The following WDFY1 variants were observed in gnomAD, a reference collection of about 807,000 sequenced individuals.
The protein encoded by WDFY1 is WD repeat and FYVE domain-containing protein 1.
Under a neutral mutation model 56.4 loss-of-function variants are expected in WDFY1, and 32 were observed. The observed-to-expected ratio is 0.57, with a 90% CI of 0.43 to 0.76. WDFY1 has a LOEUF of 0.76. Ranked by LOEUF, WDFY1 falls within the 30% of genes least tolerant of loss-of-function variation. The pLI, the probability that WDFY1 is intolerant of heterozygous loss-of-function variation, is 0.00. For synonymous variants in WDFY1, 192 were observed against 197.3 expected (o/e 0.97, Z 0.23); for missense variants, 480 against 545.7 (o/e 0.88, Z 1.20).
intron 3 of WDFY1, among the ~76,000 whole-genome samples, chr2:223,908,597 T>C (rs1253142980): frequency 3.9e-5 from 6 of 152,174 alleles, no homozygotes; most frequent in South Asian, 2.1e-4. Flanking sequence ...AATATTGACA[T>C]TTCCCTAGGA....
At chr2:223,945,009 C>A in intron 1 of WDFY1, 139 bp downstream of exon 1, 1 of 1,021,856 alleles carries the variant, frequency 9.8e-7, no homozygotes, top group East Asian at 3.2e-5. Context: ...CCCGGCGGAG[C>A]TAAGGGGCGC....
intron 7 of WDFY1, chr2:223,894,566 A>G (rs1275961409): frequency 7.8e-6 from 4 of 511,406 alleles, no homozygotes; most frequent in Non-Finnish European, 1.4e-5. Context: ...CAAATCGGTC[A>G]TTAAGAATTG....
intron 2 of WDFY1, among the ~76,000 whole-genome samples, chr2:223,917,609 T>C (rs1241047141): frequency 1.3e-5 from 2 of 152,206 alleles, no homozygotes; most frequent in South Asian, 2.1e-4. Flanking sequence ...AGTCTCGCTC[T>C]GTCGCCCAGG....
At chr2:223,895,690 A>G in intron 6 of WDFY1, 60 bp from the exon 7 acceptor site, 1 of 1,591,104 alleles carries the variant, frequency 6.3e-7, no homozygotes, top group Non-Finnish European at 8.5e-7. Flanking sequence ...ATATAACTCT[A>G]CATCAGGACG....
chr2:223,902,333 C>A (rs1024490758), intron 4 of WDFY1, among the ~76,000 whole-genome samples: 1 of 152,172 alleles, frequency 6.6e-6, no homozygotes, highest in Admixed American at 6.5e-5. Flanking sequence ...GAGGCCGAGG[C>A]AGGAGGATTG....
intron 1 of WDFY1, among the ~76,000 whole-genome samples, chr2:223,940,483 A>G (rs1457353993): frequency 6.6e-6 from 1 of 152,156 alleles, no homozygotes; most frequent in African/African-American, 2.4e-5. Flanking sequence ...GGATCCAATA[A>G]CACATAAGGT....
chr2:223,937,692 T>A (rs1270393813), intron 1 of WDFY1, among the ~76,000 whole-genome samples: 1 of 152,174 alleles, frequency 6.6e-6, no homozygotes, highest in African/African-American at 2.4e-5. Flanking sequence ...AAAATGATTG[T>A]AACAATGAAG....
Position 223,880,377 on chromosome 2 carries a change from C to T in WDFY1, c.1065-145G>A, listed in dbSNP as rs145009859. On this transcript the variant is annotated intron_variant, in intron 10 of 11. Coordinates refer to ENST00000233055, the MANE Select transcript of WDFY1 (RefSeq NM_020830.5). ...CCCCCAGCACTTTGGGAGGCCGAGACGGGTGGATCACTTGAGGTCAGGGGT... is the reference window on the plus strand; with the variant it reads ...CCCCCAGCACTTTGGGAGGCCGAGATGGGTGGATCACTTGAGGTCAGGGGT... The T allele has an allele frequency of 4.6e-3, 2,909 of 635,814 alleles. 53 individuals carry two copies. Among genetic ancestry groups the T allele is most frequent in the African/African-American group, 0.045 (2,448 of 54,642 alleles). 39.4% of individuals were successfully genotyped at this position (635,814 alleles called of 1,614,324 possible).
chr2:223,912,340 A>G lies in WDFY1; in HGVS notation c.206-14T>C. Reference sequence around the variant, plus strand: ...CAGAGCAAGGAGCTGCCAGAAAGACAAAGACCACATTACCAGCAAAGCTAA... The same window carrying G: ...CAGAGCAAGGAGCTGCCAGAAAGACGAAGACCACATTACCAGCAAAGCTAA... On this transcript the variant is annotated splice_polypyrimidine_tract_variant and intron_variant, in intron 2 of 11. Transcript: ENST00000233055. 6.3e-7 allele frequency: 1 copy of G among 1,592,724 alleles called. No homozygotes were observed. The highest frequency in any genetic ancestry group is 1.2e-5 in the South Asian group (1 of 86,548).
chr2:223,880,881 G>A (rs1374933679), intron 10 of WDFY1, among the ~76,000 whole-genome samples: 2 of 152,002 alleles, frequency 1.3e-5, no homozygotes, highest in Admixed American at 6.6e-5. Context: ...ACATCAGAGA[G>A]CTGCCGTTTT....
chr2:223,903,208 T>C (rs1693533385), intron 4 of WDFY1, among the ~76,000 whole-genome samples: 1 of 152,166 alleles, frequency 6.6e-6, no homozygotes, highest in Admixed American at 6.6e-5. Context: ...AAACCTATGC[T>C]GCCTTATAGC....
At chr2:223,941,561 T>C (rs1689306479) in intron 1 of WDFY1, among the ~76,000 whole-genome samples, 1 of 152,150 alleles carries the variant, frequency 6.6e-6, no homozygotes, top group East Asian at 1.9e-4. Context: ...CTCCTCTTCC[T>C]GTGTCTTCCC....
Position 223,899,059 on chromosome 2 carries a change from T to C in WDFY1, c.497A>G (p.Asp166Gly). 6.2e-7 allele frequency: 1 copy of C among 1,614,050 alleles called. No homozygotes were observed. Among genetic ancestry groups the C allele is most frequent in the Non-Finnish European group, 8.5e-7 (1 of 1,179,932 alleles). The change falls in exon 6 of 12, where the codon GAC becomes GGC. Residue 166 changes from aspartate to glycine, a missense_variant. By Grantham distance (94) the Asp-to-Gly change is moderately conservative (BLOSUM62 -1). Coordinates refer to ENST00000233055, the MANE Select transcript of WDFY1 (RefSeq NM_020830.5). ...ATCACCAACGAAAGCATACTGAGTG[T>C]CAAAGTCATATCTGAGGAGAAGCAG... ...SWASCLQYDF[D>G]TQYAFVGDYS...
In WDFY1 at chr2:223,877,588, T is replaced by C. The variant is rs1692991977; in HGVS notation, c.*1083A>G. ...TGCTAGTTGTTAGGAAAGCAATTTA[T>C]GAGTTGGGAATTATTGTGGAAGACT... On this transcript the variant is annotated 3_prime_UTR_variant, in exon 12 of 12. Coordinates refer to ENST00000233055, the MANE Select transcript of WDFY1 (RefSeq NM_020830.5). 6.6e-6 allele frequency: 1 copy of C among 152,232 alleles called. No individual in the cohort carries two copies. Among genetic ancestry groups the C allele is most frequent in the Admixed American group, 6.5e-5 (1 of 15,278 alleles). 9.4% of individuals were successfully genotyped at this position (152,232 alleles called of 1,614,324 possible).
intron 3 of WDFY1, among the ~76,000 whole-genome samples, chr2:223,906,504 T>C (rs1191764842): frequency 6.6e-6 from 1 of 152,206 alleles, no homozygotes; most frequent in Non-Finnish European, 1.5e-5. Context: ...TGGGTGGTTT[T>C]TGTCTTTTTA....
chr2:223,916,361 C>T (rs1390454655), intron 2 of WDFY1, among the ~76,000 whole-genome samples: 1 of 152,216 alleles, frequency 6.6e-6, no homozygotes, highest in Admixed American at 6.5e-5. Flanking sequence ...GAATAACTGG[C>T]TGCTCTGTCT....
At chr2:223,925,424 T>C (rs930859412) in intron 1 of WDFY1, among the ~76,000 whole-genome samples, 1 of 152,170 alleles carries the variant, frequency 6.6e-6, no homozygotes, top group African/African-American at 2.4e-5. Context: ...TAAAATACTT[T>C]ATTGCTAAAA....
intron 1 of WDFY1, among the ~76,000 whole-genome samples, chr2:223,920,870 C>A (rs760862767): frequency 6.6e-6 from 1 of 152,208 alleles, no homozygotes; most frequent in Admixed American, 6.5e-5. Flanking sequence ...TGGCTATCCT[C>A]GCCTTCAGCT....
chr2:223,934,055 A>G (rs1405936317), intron 1 of WDFY1, among the ~76,000 whole-genome samples: 1 of 149,534 alleles, frequency 6.7e-6, no homozygotes, highest in Non-Finnish European at 1.5e-5. Flanking sequence ...ACAGTTTCTA[A>G]TAAGGAATAG....
Sources: allele counts gnomAD v4.1 joint callset (sites outside exome capture counted in the v4.1 genomes callset), GRCh38; gene constraint gnomAD v4.1.1; transcripts MANE v1.5; gene names NCBI Gene and HGNC (gene_info 2026-07-23, HGNC 2026-07-21).